The following USH2A variants were observed in gnomAD, a reference collection of about 807,000 sequenced individuals.
USH2A encodes Usher syndrome 2A (autosomal recessive, mild).
In USH2A, 443 loss-of-function variants were observed where a neutral mutation model predicts 538.9. That is an observed-to-expected ratio of 0.82 (90% CI 0.76 to 0.89). The LOEUF (loss-of-function observed/expected upper bound fraction) is 0.89, where lower values mean the gene tolerates loss of function less well. Ranked by LOEUF, USH2A falls within the 40% of genes least tolerant of loss-of-function variation. The probability of loss-of-function intolerance (pLI) is 0.00; values close to 1 mark genes in which losing one functional copy is unlikely to be tolerated. For synonymous variants in USH2A, 2,413 were observed against 2,273.5 expected, an observed-to-expected ratio of 1.06 and a Z score of -1.75; for missense variants, 6,633 against 6,324.8, an observed-to-expected ratio of 1.05 and a Z score of -1.65.
chr1:215,955,157 A>C (rs1473662800), intron 37 of USH2A, among the ~76,000 whole-genome samples: 1 of 152,130 alleles, frequency 6.6e-6, no homozygotes, highest in Non-Finnish European at 1.5e-5. Flanking sequence ...GGTAATTTCT[A>C]GCTCCCCTTG....
At chr1:216,113,701 A>G (rs12057526) in intron 21 of USH2A, among the ~76,000 whole-genome samples, 8,209 of 151,998 alleles carry the variant, frequency 0.054, 734 homozygotes, top group African/African-American at 0.19. Context: ...TTTTTTAACA[A>G]TTGACTTTTA....
intron 32 of USH2A, among the ~76,000 whole-genome samples, chr1:216,011,072 T>G (rs1417275297): frequency 1.3e-5 from 2 of 151,876 alleles, no homozygotes; most frequent in African/African-American, 4.8e-5. Flanking sequence ...GCCTATAAAC[T>G]CTCCTTACAA....
At chr1:216,230,449 A>G (rs1456047441) in intron 14 of USH2A, among the ~76,000 whole-genome samples, 1 of 152,246 alleles carries the variant, frequency 6.6e-6, no homozygotes, top group African/African-American at 2.4e-5. Context: ...TGATAGAAGT[A>G]GAGCGTCACA....
intron 21 of USH2A, among the ~76,000 whole-genome samples, chr1:216,100,600 T>C (rs922361104): frequency 3.9e-5 from 6 of 152,144 alleles, no homozygotes; most frequent in Admixed American, 1.3e-4. Flanking sequence ...ATTTGGAACA[T>C]GAAGAGAGCA....
chr1:215,850,843 C>G (rs1436592146), intron 44 of USH2A, among the ~76,000 whole-genome samples: 1 of 152,106 alleles, frequency 6.6e-6, no homozygotes, highest in Non-Finnish European at 1.5e-5. Context: ...ATATCAAGTA[C>G]TCTTTCAGAT....
At chr1:216,201,757 C>T (rs1318154296) in intron 16 of USH2A, 10 of 228,116 alleles carry the variant, frequency 4.4e-5, no homozygotes, top group Admixed American at 2.1e-4. Flanking sequence ...CTGATAGAGC[C>T]GAGGAAGGTG....
At chr1:216,004,323 C>A (rs1668340761) in intron 32 of USH2A, among the ~76,000 whole-genome samples, 1 of 152,044 alleles carries the variant, frequency 6.6e-6, no homozygotes, top group South Asian at 2.1e-4. Context: ...GGGATACCAA[C>A]ATATGAGGCC....
At chr1:216,228,555 T>C (rs1193013089) in intron 14 of USH2A, among the ~76,000 whole-genome samples, 1 of 152,076 alleles carries the variant, frequency 6.6e-6, no homozygotes, top group Non-Finnish European at 1.5e-5. Context: ...ATCTGATGGT[T>C]TTAAAAAGGG....
At chr1:215,985,062 G>A (rs912419142) in intron 35 of USH2A, among the ~76,000 whole-genome samples, 1 of 152,108 alleles carries the variant, frequency 6.6e-6, no homozygotes, top group Non-Finnish European at 1.5e-5. Context: ...AGTTACGCAA[G>A]GTTTGCTCAA....
Position 215,836,469 on chromosome 1 carries a change from TA to T in USH2A, c.9371+1521del, listed in dbSNP as rs1663493149. Among the ~76,000 whole-genome samples the T allele has an allele frequency of 4.9e-4, 5 of 10,192 alleles. 1 individual carries two copies. The highest frequency in any genetic ancestry group is 7.1e-3 in the Admixed American group (2 of 282). 6.7% of individuals were successfully genotyped at this position (10,192 alleles called of 152,430 possible). On this transcript the variant is annotated intron_variant, in intron 47 of 71. Coordinates refer to ENST00000307340, the MANE Select transcript of USH2A (RefSeq NM_206933.4). ...TATGTGTGTGTGTATATATATTATA[TA>T]TATATATATAATATATATTATATAT... is the stretch of plus-strand genomic sequence containing the variant.
chr1:216,371,428 A>G (rs2038711641), intron 3 of USH2A, among the ~76,000 whole-genome samples: 1 of 152,224 alleles, frequency 6.6e-6, no homozygotes, highest in Admixed American at 6.5e-5. Context: ...ATACAATTCA[A>G]AATTGCAGGC....
chr1:216,172,576 A>C (rs2034293359), intron 21 of USH2A, among the ~76,000 whole-genome samples: 1 of 152,150 alleles, frequency 6.6e-6, no homozygotes, highest in African/African-American at 2.4e-5. Flanking sequence ...AAGGAATGTG[A>C]GTTGAAAGCA....
chr1:216,356,302 C>G (rs986717477), intron 4 of USH2A, among the ~76,000 whole-genome samples: 3 of 152,026 alleles, frequency 2.0e-5, no homozygotes, highest in Non-Finnish European at 4.4e-5. Context: ...GTGTCTCTGG[C>G]TGAACTTGTT....
chr1:216,070,378 A>G, intron 29 of USH2A, 86 bp from the exon 30 acceptor site: 3 of 1,234,320 alleles, frequency 2.4e-6, no homozygotes, highest in South Asian at 1.2e-5. Flanking sequence ...TGGCCGCAGT[A>G]AATCAGACTC....
chr1:215,906,220 G>T (rs374493579), intron 38 of USH2A, among the ~76,000 whole-genome samples: 8 of 152,190 alleles, frequency 5.3e-5, no homozygotes, highest in African/African-American at 1.2e-4. Flanking sequence ...TGACAAGTAG[G>T]TTAAAATAGA....
intron 44 of USH2A, among the ~76,000 whole-genome samples, chr1:215,849,312 G>T (rs73090735): frequency 5.3e-5 from 8 of 152,212 alleles, no homozygotes; most frequent in African/African-American, 1.7e-4. Flanking sequence ...AAGTAGGTTT[G>T]TAAAATCATA....
At chr1:215,667,797 G>C (rs1657680361) in intron 64 of USH2A, among the ~76,000 whole-genome samples, 2 of 152,180 alleles carry the variant, frequency 1.3e-5, no homozygotes, top group East Asian at 3.9e-4. Context: ...TCTATCACTG[G>C]CCAACTGATG....
rs189383835 is a variant in USH2A at position 216,012,760 on chromosome 1, C to T, written c.6326-12198G>A. On this transcript the variant is annotated intron_variant, in intron 32 of 71. Coordinates refer to ENST00000307340, the MANE Select transcript of USH2A (RefSeq NM_206933.4). ...CAATACTTTTACCACTTTCCCTTCT[C>T]AGAAGTCAGGCCTGTCCTCGGAATG... Among the ~76,000 whole-genome samples the T allele has an allele frequency of 1.2e-3, 188 of 152,324 alleles. No individual in the cohort carries two copies. The Middle Eastern group carries it at 0.017, about 14-fold the overall frequency.
intron 41 of USH2A, among the ~76,000 whole-genome samples, chr1:215,887,518 C>T (rs575097399): frequency 9.9e-4 from 150 of 152,260 alleles, no homozygotes; most frequent in African/African-American, 3.5e-3. Flanking sequence ...GAATTCTATA[C>T]ACATATTTAT....
Sources: allele counts gnomAD v4.1 joint callset (sites outside exome capture counted in the v4.1 genomes callset), GRCh38; gene constraint gnomAD v4.1.1; transcripts MANE v1.5; gene names NCBI Gene and HGNC (gene_info 2026-07-23, HGNC 2026-07-21).